The following CPEB3 variants were observed in gnomAD, a reference collection of about 807,000 sequenced individuals.
CPEB3 encodes the protein cytoplasmic polyadenylation element binding protein 3.
In CPEB3, 20 loss-of-function variants were observed where a neutral mutation model predicts 67.2. The ratio of observed to expected loss-of-function variants is 0.30; its 90% CI spans 0.21 to 0.43. The LOEUF is 0.43. Ranked by LOEUF, CPEB3 falls within the 20% of genes least tolerant of loss-of-function variation. CPEB3 has a pLI of 1.00. For synonymous variants in CPEB3, 376 were observed against 393.1 expected (o/e 0.96, Z 0.51); for missense variants, 746 against 968.6 (o/e 0.77, Z 3.05).
chr10:92,099,274 A>G (rs1204192357), intron 7 of CPEB3, among the ~76,000 whole-genome samples: 3 of 148,776 alleles, frequency 2.0e-5, no homozygotes, highest in East Asian at 2.0e-4. Context: ...AGGCTAGAGT[A>G]CAGTAGTACA....
chr10:92,229,977 C>T (rs965751936), intron 2 of CPEB3, among the ~76,000 whole-genome samples: 1 of 151,588 alleles, frequency 6.6e-6, no homozygotes, highest in Non-Finnish European at 1.5e-5. Context: ...ACCCAGGAGG[C>T]GGAGGTTGCG....
intron 9 of CPEB3, among the ~76,000 whole-genome samples, chr10:92,080,044 CAA>C (rs1018501027): frequency 2.2e-5 from 3 of 137,296 alleles, no homozygotes; most frequent in Middle Eastern, 3.7e-3. Context: ...ACTAAAAATA[CAA>C]AAAAAAAAAA....
intron 1 of CPEB3, among the ~76,000 whole-genome samples, chr10:92,277,813 C>G (rs377740596): frequency 6.6e-6 from 1 of 151,876 alleles, no homozygotes; most frequent in African/African-American, 2.4e-5. Context: ...ATCGCTTGAA[C>G]GCGGGAGGTG....
At chr10:92,218,125 A>C (rs996324616) in intron 2 of CPEB3, among the ~76,000 whole-genome samples, 2 of 151,664 alleles carry the variant, frequency 1.3e-5, no homozygotes, top group African/African-American at 4.8e-5. Context: ...AAACAACAAC[A>C]AGGCCGGGCA....
intron 4 of CPEB3, among the ~76,000 whole-genome samples, chr10:92,146,486 ATCTT>A (rs1235485862): frequency 1.3e-5 from 2 of 152,036 alleles, no homozygotes; most frequent in Non-Finnish European, 2.9e-5. Context: ...AGTCTATACT[ATCTT>A]TATTTCCCTG....
At chr10:92,260,486 G>A (rs934943157) in intron 1 of CPEB3, among the ~76,000 whole-genome samples, 1 of 151,030 alleles carries the variant, frequency 6.6e-6, no homozygotes, top group Non-Finnish European at 1.5e-5. Context: ...AGGAAGCAGA[G>A]GTTTCAGTGA....
chr10:92,075,480 G>A (rs1842898819), intron 9 of CPEB3, among the ~76,000 whole-genome samples: 1 of 152,176 alleles, frequency 6.6e-6, no homozygotes, highest in African/African-American at 2.4e-5. Context: ...TGGCTACACA[G>A]TTATGTAAAT....
chr10:92,172,122 C>A (rs1029486943), intron 4 of CPEB3, among the ~76,000 whole-genome samples: 1 of 151,842 alleles, frequency 6.6e-6, no homozygotes, highest in African/African-American at 2.4e-5. Context: ...ATAACAAGAC[C>A]CTGTCTCTAC....
intron 1 of CPEB3, among the ~76,000 whole-genome samples, chr10:92,259,708 T>A (rs1186354096): frequency 1.3e-5 from 2 of 152,228 alleles, no homozygotes; most frequent in Non-Finnish European, 2.9e-5. Context: ...AAACTAGAAC[T>A]CTAAGCTTCT....
At chr10:92,073,383 G>A (rs1202362343) in intron 9 of CPEB3, among the ~76,000 whole-genome samples, 1 of 151,998 alleles carries the variant, frequency 6.6e-6, no homozygotes, top group Non-Finnish European at 1.5e-5. Flanking sequence ...GCCAGGCACA[G>A]TGACTCATGC....
chr10:92,111,266 A>C (rs1295115207), intron 6 of CPEB3, 72 bp from the exon 7 acceptor site: 27 of 1,019,728 alleles, frequency 2.6e-5, no homozygotes, highest in Non-Finnish European at 4.2e-5. Flanking sequence ...ATTACAAATT[A>C]TCTGTTGTTT....
At chr10:92,271,809 C>A (rs1264307139) in intron 1 of CPEB3, among the ~76,000 whole-genome samples, 1 of 152,142 alleles carries the variant, frequency 6.6e-6, no homozygotes, top group Non-Finnish European at 1.5e-5. Flanking sequence ...ATCCTCTTAA[C>A]ATTCACCCAC....
chr10:92,058,486 T>G (rs1326958871), intron 9 of CPEB3, among the ~76,000 whole-genome samples: 1 of 151,754 alleles, frequency 6.6e-6, no homozygotes, highest in Non-Finnish European at 1.5e-5. Flanking sequence ...GAGGTGGAGG[T>G]TGCAGTGAGC....
Position 92,263,658 on chromosome 10 carries a change from G to A in CPEB3, c.-11-23297C>T, listed in dbSNP as rs148645024. ...CTTATGGAAGCAAAATATACAGTGG[G>A]ACATATTCTTACACAGCCACAGGAT... On this transcript the variant is annotated intron_variant, in intron 1 of 9. Transcript: ENST00000265997. 8.5e-5 allele frequency among the ~76,000 whole-genome samples: 13 copies of A among 152,082 alleles called. No homozygotes were observed. In the East Asian group the frequency reaches 2.1e-3, roughly 25 times the overall value.
chr10:92,289,203 C>G (rs761549547), intron 1 of CPEB3, among the ~76,000 whole-genome samples: 1 of 152,172 alleles, frequency 6.6e-6, no homozygotes, highest in Non-Finnish European at 1.5e-5. Context: ...GATAGTGCCA[C>G]TGCACTCCAT....
At chr10:92,244,277 G>A (rs545796007) in intron 1 of CPEB3, among the ~76,000 whole-genome samples, 13 of 151,454 alleles carry the variant, frequency 8.6e-5, no homozygotes, top group Admixed American at 2.0e-4. Flanking sequence ...AACCTGGGAG[G>A]TAGAGGTTGC....
intron 3 of CPEB3, among the ~76,000 whole-genome samples, chr10:92,185,459 T>C (rs565550462): frequency 1.3e-5 from 2 of 152,266 alleles, no homozygotes; most frequent in East Asian, 3.9e-4. Flanking sequence ...TTCACATTCA[T>C]ATTTAAAACA....
intron 3 of CPEB3, among the ~76,000 whole-genome samples, chr10:92,190,873 TGTGCAA>T (rs1352716390): frequency 6.6e-6 from 1 of 152,030 alleles, no homozygotes; most frequent in East Asian, 1.9e-4. Context: ...GGAAAAGCTA[TGTGCAA>T]GAACTCATCC....
At position 92,276,697 on chromosome 10, in the gene CPEB3, T is replaced by C. The variant is rs192265334; in HGVS notation, c.-12+14229A>G. On this transcript the variant is annotated intron_variant, in intron 1 of 9. Coordinates refer to ENST00000265997, the MANE Select transcript of CPEB3 (RefSeq NM_014912.5). ...GGCATATGTTTTCATTTCTCGGGTATATAGCTGTAAATAGAATTGCTGGGC... is the reference window on the plus strand; with the variant it reads ...GGCATATGTTTTCATTTCTCGGGTACATAGCTGTAAATAGAATTGCTGGGC... 2.6e-5 allele frequency among the ~76,000 whole-genome samples: 4 copies of C among 152,368 alleles called. No homozygotes were observed. In the East Asian group the frequency reaches 5.8e-4, roughly 22 times the overall value.
Sources: allele counts gnomAD v4.1 joint callset (sites outside exome capture counted in the v4.1 genomes callset), GRCh38; gene constraint gnomAD v4.1.1; transcripts MANE v1.5; gene names NCBI Gene and HGNC (gene_info 2026-07-23, HGNC 2026-07-21).